The following TMEM132D variants were observed in gnomAD, a reference collection of about 807,000 sequenced individuals.
TMEM132D encodes mature OL transmembrane protein.
TMEM132D carries 21 observed loss-of-function variants against 62.3 expected under a neutral mutation model. The ratio of observed to expected loss-of-function variants is 0.34; its 90% CI spans 0.24 to 0.49. The LOEUF (loss-of-function observed/expected upper bound fraction) is 0.49. TMEM132D is among the 20% of genes least tolerant of loss of function. The pLI, the probability that TMEM132D is intolerant of heterozygous loss-of-function variation, is 0.99. For missense variants in TMEM132D, 1,346 were observed against 1,402.8 expected, an observed-to-expected ratio of 0.96 and a Z score of 0.65; for synonymous variants, 621 against 575.6, an observed-to-expected ratio of 1.08 and a Z score of -1.13.
In TMEM132D at chr12:129,081,909, C is replaced by T. The variant is rs201070033; in HGVS notation, c.1773G>A (p.Gly591=). 1.2e-4 allele frequency: 196 copies of T among 1,613,928 alleles called. No individual in the cohort carries two copies. Among genetic ancestry groups the T allele is most frequent in the Middle Eastern group, 4.9e-4 (3 of 6,084 alleles). The stretch of plus-strand genomic sequence containing the variant: ...AGCCCAGCAGGTGGGCCAGGTGTCC[C>T]CCAGGGCCGGCCGCCTCAGCCACAA... ...TQFVAEAAGP[G]GHLAHLLGSD... is the part of the protein sequence containing the mutation. Residue 591 remains glycine (G), a synonymous_variant, in exon 7 of 9, where the codon GGG becomes GGA. Transcript: ENST00000422113.
At chr12:129,230,767 C>T (rs747211287) in intron 4 of TMEM132D, among the ~76,000 whole-genome samples, 3 of 152,222 alleles carry the variant, frequency 2.0e-5, no homozygotes, top group Admixed American at 6.5e-5. Flanking sequence ...GTTCAAGAAG[C>T]AACTCTTGAC....
chr12:129,253,720 C>T (rs1880328969), intron 4 of TMEM132D, among the ~76,000 whole-genome samples: 1 of 152,124 alleles, frequency 6.6e-6, no homozygotes, highest in African/African-American at 2.4e-5. Flanking sequence ...CTGGGGGCTG[C>T]CTTTCTCTTT....
At chr12:129,590,927 T>A (rs1334899474) in intron 2 of TMEM132D, among the ~76,000 whole-genome samples, 1 of 152,182 alleles carries the variant, frequency 6.6e-6, no homozygotes. Context: ...TCTGACTTCA[T>A]CTATGCAAAA....
At chr12:129,877,651 AGAG>A (rs1874471182) in intron 1 of TMEM132D, among the ~76,000 whole-genome samples, 2 of 147,870 alleles carry the variant, frequency 1.4e-5, no homozygotes, top group Admixed American at 6.8e-5. Flanking sequence ...AGAGAGAGAG[AGAG>A]CGCTATAAGC....
chr12:129,238,505 G>T (rs1879846141), intron 4 of TMEM132D, among the ~76,000 whole-genome samples: 1 of 152,038 alleles, frequency 6.6e-6, no homozygotes, highest in Non-Finnish European at 1.5e-5. Flanking sequence ...CAAGCCCCTG[G>T]CAATCACCAT....
chr12:129,257,045 A>G (rs747617043), intron 4 of TMEM132D, among the ~76,000 whole-genome samples: 1 of 152,132 alleles, frequency 6.6e-6, no homozygotes, highest in Non-Finnish European at 1.5e-5. Context: ...CGAGTGAGGT[A>G]TATTAGTCCA....
intron 3 of TMEM132D, among the ~76,000 whole-genome samples, chr12:129,474,640 A>T (rs79749675): frequency 1.8e-3 from 279 of 152,320 alleles, no homozygotes; most frequent in Non-Finnish European, 3.6e-3. Flanking sequence ...TCGCGTTGAC[A>T]GCTGAATATC....
In TMEM132D at chr12:129,356,648, T is replaced by C. The variant is rs1014802679; in HGVS notation, c.1116-18831A>G. The stretch of plus-strand genomic sequence containing the variant: ...TTCCGGACAACATGGTGAAACCCTG[T>C]CTCTACAATAAATAAATAAATAAAT... On this transcript the variant is annotated intron_variant, in intron 3 of 8. Coordinates refer to ENST00000422113, the MANE Select transcript of TMEM132D (RefSeq NM_133448.3). Among the ~76,000 whole-genome samples the C allele has an allele frequency of 4.8e-5, 5 of 103,252 alleles. No homozygotes were observed. In the Admixed American group the frequency reaches 5.4e-4, roughly 11 times the overall value. The allele number at this position is 103,252 out of a possible 152,430, so 67.7% of individuals were successfully genotyped here.
intron 3 of TMEM132D, among the ~76,000 whole-genome samples, chr12:129,453,641 C>G (rs141604803): frequency 6.6e-6 from 1 of 152,234 alleles, no homozygotes; most frequent in Non-Finnish European, 1.5e-5. Context: ...CGAACGCTGA[C>G]TGCTGTGGGC....
intron 3 of TMEM132D, among the ~76,000 whole-genome samples, chr12:129,459,736 C>T (rs1873597200): frequency 6.6e-6 from 1 of 152,146 alleles, no homozygotes. Flanking sequence ...ATATTTTTTA[C>T]TCACTTTTAT....
At chr12:129,152,476 G>A (rs924256118) in intron 5 of TMEM132D, among the ~76,000 whole-genome samples, 5 of 152,170 alleles carry the variant, frequency 3.3e-5, no homozygotes, top group African/African-American at 1.2e-4. Flanking sequence ...AGCATAAAAT[G>A]CTGCTCGAAA....
Position 129,829,330 on chromosome 12 carries a change from T to C in TMEM132D, c.79+73931A>G, listed in dbSNP as rs186049336. Among the ~76,000 whole-genome samples the C allele has an allele frequency of 2.6e-5, 4 of 152,206 alleles. No individual in the cohort carries two copies. In the East Asian group the frequency reaches 7.7e-4, roughly 29 times the overall value. On this transcript the variant is annotated intron_variant, in intron 1 of 8. Transcript: ENST00000422113. ...ATCACCCCAGAAAGGGACATCTCCT[T>C]CCTCTTCCTCTTCCTCTTCCCGGGA...
chr12:129,720,681 C>T (rs957326715), intron 1 of TMEM132D, among the ~76,000 whole-genome samples: 9 of 152,164 alleles, frequency 5.9e-5, no homozygotes, highest in African/African-American at 1.9e-4. Flanking sequence ...TCCAGACACA[C>T]CTCCCCAGTC....
At chr12:129,670,221 T>G (rs1880471826) in intron 2 of TMEM132D, among the ~76,000 whole-genome samples, 1 of 152,200 alleles carries the variant, frequency 6.6e-6, no homozygotes, top group South Asian at 2.1e-4. Context: ...TGGGAGAAAC[T>G]TAATTCATAG....
At chr12:129,771,671 C>T (rs879708946) in intron 1 of TMEM132D, among the ~76,000 whole-genome samples, 7 of 152,296 alleles carry the variant, frequency 4.6e-5, no homozygotes, top group Middle Eastern at 6.8e-3. Context: ...GTGATCCCAG[C>T]GATCCAATGC....
intron 1 of TMEM132D, among the ~76,000 whole-genome samples, chr12:129,794,936 G>T (rs1019870401): frequency 6.6e-6 from 1 of 152,146 alleles, no homozygotes; most frequent in Non-Finnish European, 1.5e-5. Flanking sequence ...CATACTAAAA[G>T]TGTGCCACAC....
intron 5 of TMEM132D, among the ~76,000 whole-genome samples, chr12:129,200,231 C>A (rs1192431190): frequency 6.6e-6 from 1 of 152,096 alleles, no homozygotes; most frequent in Non-Finnish European, 1.5e-5. Context: ...GGATTACTAT[C>A]AAAATGACCA....
intron 1 of TMEM132D, among the ~76,000 whole-genome samples, chr12:129,764,170 C>T (rs781774798): frequency 6.6e-6 from 1 of 152,162 alleles, no homozygotes; most frequent in African/African-American, 2.4e-5. Flanking sequence ...AACATTGCTG[C>T]TTTTAGAAAC....
intron 1 of TMEM132D, among the ~76,000 whole-genome samples, chr12:129,716,789 A>G (rs896143235): frequency 2.0e-5 from 3 of 152,296 alleles, no homozygotes; most frequent in Admixed American, 6.5e-5. Flanking sequence ...CTACAAAGCT[A>G]TGAGATAAAA....
Sources: gnomAD v4.1 joint callset for allele counts (sites outside exome capture counted in the v4.1 genomes callset) on GRCh38, gnomAD v4.1.1 for gene constraint, MANE v1.5 for transcripts, NCBI Gene and HGNC (gene_info 2026-07-23, HGNC 2026-07-21) for gene names.